Variants in MAGI1 observed in about 807,000 individuals in gnomAD.
MAGI1 encodes membrane associated guanylate kinase, WW and PDZ domain containing 1.
MAGI1 carries 58 observed loss-of-function variants against 139.9 expected under a neutral mutation model. The observed-to-expected ratio is 0.41, with a 90% CI of 0.34 to 0.52. The LOEUF is 0.52. Ranked by LOEUF, MAGI1 falls within the 20% of genes least tolerant of loss-of-function variation. The pLI, the probability that MAGI1 is intolerant of heterozygous loss-of-function variation, is 0.12. For missense variants in MAGI1, 1,874 were observed against 1,901.6 expected (o/e 0.99, Z 0.27); for synonymous variants, 812 against 737.9 (o/e 1.10, Z -1.63).
intron 13 of MAGI1, among the ~76,000 whole-genome samples, chr3:65,392,494 G>A (rs916014965): frequency 2.6e-5 from 4 of 152,126 alleles, no homozygotes; most frequent in African/African-American, 4.8e-5. Flanking sequence ...TGTAGAGCTC[G>A]TGGTTTTAAA....
intron 2 of MAGI1, among the ~76,000 whole-genome samples, chr3:65,523,605 T>C (rs1293489825): frequency 2.0e-5 from 3 of 152,158 alleles, no homozygotes; most frequent in African/African-American, 7.2e-5. Context: ...CATGGAGTGT[T>C]AGATATTGCA....
At chr3:65,946,048 A>G (rs930818334) in intron 1 of MAGI1, among the ~76,000 whole-genome samples, 4 of 152,216 alleles carry the variant, frequency 2.6e-5, no homozygotes, top group African/African-American at 9.7e-5. Context: ...TGTTTTACTT[A>G]AGAGGAAATG....
intron 2 of MAGI1, among the ~76,000 whole-genome samples, chr3:65,609,078 T>C (rs2082900071): frequency 6.6e-6 from 1 of 152,106 alleles, no homozygotes; most frequent in Non-Finnish European, 1.5e-5. Context: ...GTGGTTACTT[T>C]TGGGAAGGAA....
At chr3:65,991,389 A>C (rs72910917) in intron 1 of MAGI1, among the ~76,000 whole-genome samples, 208 of 151,910 alleles carry the variant, frequency 1.4e-3, no homozygotes, top group African/African-American at 4.9e-3. Context: ...CAAGTGACTT[A>C]CATTTGACAC....
rs565785325 is a variant in MAGI1, at chr3:65,568,785, T to C, written c.430+53187A>G. Among the ~76,000 whole-genome samples, 6 of 152,362 alleles carry C rather than the reference T, an allele frequency of 3.9e-5. No individual in the cohort carries two copies. In the South Asian group the frequency reaches 6.2e-4, roughly 16 times the overall value. On this transcript the variant is annotated intron_variant, in intron 2 of 22. Coordinates refer to ENST00000402939, the MANE Select transcript of MAGI1 (RefSeq NM_001033057.2). ...TCTCTGATAATGCTCCATAACTTTC[T>C]AATTAGTCAAGCCTTTAAATAGAAA...
intron 1 of MAGI1, chr3:65,902,859 G>C (rs2061288896): frequency 6.6e-6 from 1 of 152,630 alleles, no homozygotes; most frequent in Non-Finnish European, 1.5e-5. Flanking sequence ...GCCTTAAGGA[G>C]CTTTAACAAA....
At chr3:65,650,125 A>G (rs1294651130) in intron 1 of MAGI1, among the ~76,000 whole-genome samples, 1 of 152,178 alleles carries the variant, frequency 6.6e-6, no homozygotes, top group African/African-American at 2.4e-5. Context: ...GGTTCCTCAT[A>G]AAAGGATGAG....
intron 2 of MAGI1, among the ~76,000 whole-genome samples, chr3:65,547,166 G>A (rs1169824441): frequency 2.0e-5 from 3 of 152,148 alleles, no homozygotes; most frequent in African/African-American, 7.2e-5. Context: ...TGTGTGCCAG[G>A]CTCTGTGCTG....
chr3:65,627,013 A>G (rs1215595712), intron 1 of MAGI1, among the ~76,000 whole-genome samples: 1 of 152,264 alleles, frequency 6.6e-6, no homozygotes, highest in Non-Finnish European at 1.5e-5. Flanking sequence ...AGAAAAGAGA[A>G]CATAGGTCAG....
At chr3:65,618,742 A>T (rs541767340) in intron 2 of MAGI1, among the ~76,000 whole-genome samples, 1 of 152,102 alleles carries the variant, frequency 6.6e-6, no homozygotes, top group East Asian at 1.9e-4. Context: ...CTTTAATAAG[A>T]CTCACCTTAT....
chr3:65,405,862 G>A (rs1289929821), intron 12 of MAGI1, among the ~76,000 whole-genome samples: 1 of 135,912 alleles, frequency 7.4e-6, no homozygotes, highest in East Asian at 2.2e-4. Context: ...CAACGTGCTG[G>A]GATTACAGAT....
chr3:65,415,867 C>G (rs553495712), intron 12 of MAGI1, among the ~76,000 whole-genome samples: 20 of 152,204 alleles, frequency 1.3e-4, no homozygotes, highest in African/African-American at 4.1e-4. Context: ...TATAAAACAG[C>G]CTTCTCTTCC....
chr3:65,457,121 T>C (rs1949450432), intron 5 of MAGI1, among the ~76,000 whole-genome samples: 2 of 152,200 alleles, frequency 1.3e-5, no homozygotes, highest in Admixed American at 1.3e-4. Flanking sequence ...TAAACCTGTA[T>C]ATCCATTTGG....
intron 21 of MAGI1, among the ~76,000 whole-genome samples, chr3:65,362,730 G>A (rs956858680): frequency 7.2e-5 from 11 of 152,094 alleles, no homozygotes; most frequent in Non-Finnish European, 1.5e-4. Flanking sequence ...TTCCTGGCCT[G>A]ACTGTCTTGA....
At chr3:65,949,954 T>C (rs1228287866) in intron 1 of MAGI1, among the ~76,000 whole-genome samples, 3 of 147,022 alleles carry the variant, frequency 2.0e-5, no homozygotes, top group South Asian at 2.2e-4. Context: ...GAGGCTGAGA[T>C]GGGAGGATGA....
intron 1 of MAGI1, among the ~76,000 whole-genome samples, chr3:65,656,222 T>A (rs1250249358): frequency 6.6e-6 from 1 of 152,210 alleles, no homozygotes; most frequent in Admixed American, 6.5e-5. Flanking sequence ...TGAGAAAATT[T>A]TGTTCTCCTT....
chr3:65,937,447 A>C (rs1194261231), intron 1 of MAGI1, among the ~76,000 whole-genome samples: 1 of 151,982 alleles, frequency 6.6e-6, no homozygotes, highest in East Asian at 1.9e-4. Context: ...TTTTTCCTGG[A>C]GGTGGCCCAC....
At chr3:65,725,856 C>G (rs1352019851) in intron 1 of MAGI1, among the ~76,000 whole-genome samples, 2 of 151,950 alleles carry the variant, frequency 1.3e-5, no homozygotes, top group Admixed American at 6.6e-5. Context: ...TTAGAAAAGT[C>G]TATGCATAAC....
intron 1 of MAGI1, among the ~76,000 whole-genome samples, chr3:65,935,856 G>C (rs951948563): frequency 6.6e-6 from 1 of 152,182 alleles, no homozygotes; most frequent in African/African-American, 2.4e-5. Context: ...AAGACACCAA[G>C]GTGCCTCAGA....
Sources: gnomAD v4.1 joint callset for allele counts (sites outside exome capture counted in the v4.1 genomes callset) on GRCh38, gnomAD v4.1.1 for gene constraint, MANE v1.5 for transcripts, NCBI Gene and HGNC (gene_info 2026-07-23, HGNC 2026-07-21) for gene names.